EPB41L2: variants seen among roughly 807,000 people sequenced by gnomAD.
The protein encoded by EPB41L2 is band 4.1-like protein 2.
EPB41L2 carries 43 observed loss-of-function variants against 113.0 expected under a neutral mutation model. That is an observed-to-expected ratio of 0.38 (90% confidence interval 0.30 to 0.49). The LOEUF (loss-of-function observed/expected upper bound fraction) is 0.49, where lower values mean the gene tolerates loss of function less well. Among genes scored for constraint, EPB41L2 ranks in the 20% least tolerant of loss-of-function variants. The probability of loss-of-function intolerance (pLI) is 0.95; values close to 1 mark genes in which losing one functional copy is unlikely to be tolerated. For missense variants in EPB41L2, 1,147 were observed against 1,223.4 expected (o/e 0.94, Z 0.93); for synonymous variants, 442 against 436.7 (o/e 1.01, Z -0.15).
At chr6:131,035,954 G>A (rs1256628870) in intron 1 of EPB41L2, among the ~76,000 whole-genome samples, 1 of 152,204 alleles carries the variant, frequency 6.6e-6, no homozygotes, top group Admixed American at 6.5e-5. Flanking sequence ...GAAGGTTTGA[G>A]AGAAACGGTC....
rs3831232 is a variant in EPB41L2 at position 130,880,298 on chromosome 6, C to CT, written c.1834-93dup. 8.3e-3 allele frequency: 6,598 copies of CT among 797,418 alleles called. 124 individuals are homozygous for CT. Among genetic ancestry groups the CT allele is most frequent in the South Asian group, 0.039 (2,425 of 62,872 alleles). The allele number at this position is 797,418 out of a possible 1,614,324, so 49.4% of individuals were successfully genotyped here. ...CCAAAATGACCCAGAGTTCGACAGT[C>CT]TAAGACATTAAAATAAAAGAGGAAT... On this transcript the variant is annotated intron_variant, in intron 12 of 19. Coordinates refer to ENST00000337057, the MANE Select transcript of EPB41L2 (RefSeq NM_001431.4).
At chr6:130,990,895 T>C (rs375474546) in intron 1 of EPB41L2, among the ~76,000 whole-genome samples, 156 of 151,748 alleles carry the variant, frequency 1.0e-3, no homozygotes, top group Middle Eastern at 6.8e-3. Flanking sequence ...GGCATGATCT[T>C]GGCTCACTGC....
At chr6:130,976,553 T>C (rs1239138647) in intron 1 of EPB41L2, among the ~76,000 whole-genome samples, 4 of 152,128 alleles carry the variant, frequency 2.6e-5, no homozygotes. Flanking sequence ...ACAAGGGGTA[T>C]AGAGAGAAAG....
At chr6:130,884,667 A>G (rs913510341) in intron 12 of EPB41L2, among the ~76,000 whole-genome samples, 1 of 152,250 alleles carries the variant, frequency 6.6e-6, no homozygotes, top group Non-Finnish European at 1.5e-5. Context: ...TGAGAATTTC[A>G]TTAATTATAG....
At position 130,864,167 on chromosome 6, in the gene EPB41L2, G is replaced by A. The variant is rs577881078; in HGVS notation, c.2830-449C>T. 4.6e-5 allele frequency among the ~76,000 whole-genome samples: 7 copies of A among 152,266 alleles called. No individual in the cohort carries two copies. The South Asian group carries it at 8.3e-4, about 18-fold the overall frequency. ...ATTACAAGAAATTATAAGAATTTAGGTATCTGTTTTTGGTTTGAGAAACTG... is the reference window on the plus strand; with the variant it reads ...ATTACAAGAAATTATAAGAATTTAGATATCTGTTTTTGGTTTGAGAAACTG... On this transcript the variant is annotated intron_variant, in intron 17 of 19. Transcript: ENST00000337057.
intron 4 of EPB41L2, among the ~76,000 whole-genome samples, chr6:130,917,543 C>A (rs1484051075): frequency 1.3e-5 from 2 of 152,074 alleles, no homozygotes; most frequent in African/African-American, 4.8e-5. Flanking sequence ...CCTAAGTGCA[C>A]CCCTGATGTT....
chr6:130,913,331 A>G (rs1170392576), intron 4 of EPB41L2, among the ~76,000 whole-genome samples: 1 of 152,178 alleles, frequency 6.6e-6, no homozygotes, highest in Non-Finnish European at 1.5e-5. Context: ...GGCGGGGTTT[A>G]CCTGATGTGA....
intron 1 of EPB41L2, among the ~76,000 whole-genome samples, chr6:131,037,935 C>G (rs770198190): frequency 7.9e-5 from 12 of 152,064 alleles, no homozygotes; most frequent in Non-Finnish European, 1.5e-4. Context: ...TGGAAAAAAT[C>G]TGCAAAAATT....
intron 1 of EPB41L2, among the ~76,000 whole-genome samples, chr6:131,016,440 A>G (rs1339265984): frequency 6.6e-6 from 1 of 151,310 alleles, no homozygotes; most frequent in Non-Finnish European, 1.5e-5. Context: ...TCTTCCTGAA[A>G]TCATCCTGCA....
At chr6:131,024,429 C>A (rs1790365973) in intron 1 of EPB41L2, among the ~76,000 whole-genome samples, 1 of 152,086 alleles carries the variant, frequency 6.6e-6, no homozygotes, top group East Asian at 1.9e-4. Flanking sequence ...AGCCTTCCAG[C>A]TGCAAGAGGT....
At chr6:130,870,520 G>A (rs1785292459) in intron 14 of EPB41L2, 27 of 876,192 alleles carry the variant, frequency 3.1e-5, no homozygotes, top group Non-Finnish European at 4.4e-5. Context: ...GTCACATAGA[G>A]GACAATCAAG....
intron 5 of EPB41L2, among the ~76,000 whole-genome samples, chr6:130,907,216 A>C (rs1339514721): frequency 6.6e-6 from 1 of 152,238 alleles, no homozygotes; most frequent in Non-Finnish European, 1.5e-5. Context: ...TTTCAGAGAA[A>C]GTGTAAGAAC....
intron 4 of EPB41L2, among the ~76,000 whole-genome samples, chr6:130,913,357 A>T (rs148267385): frequency 0.025 from 3,748 of 152,218 alleles, 43 homozygotes; most frequent in Middle Eastern, 0.048. Flanking sequence ...CAGCAGCATG[A>T]CTTCCTCACC....
chr6:130,873,073 C>T (rs1342343870), intron 14 of EPB41L2, among the ~76,000 whole-genome samples: 2 of 152,136 alleles, frequency 1.3e-5, no homozygotes, highest in Admixed American at 6.5e-5. Flanking sequence ...CCTACAATCT[C>T]CCTCCTCAAT....
At chr6:131,009,868 C>G (rs1041181060) in intron 1 of EPB41L2, among the ~76,000 whole-genome samples, 4 of 152,180 alleles carry the variant, frequency 2.6e-5, no homozygotes, top group African/African-American at 7.2e-5. Context: ...CCATATGCAA[C>G]TATGTTCTGC....
chr6:130,957,697 C>T (rs890638747), intron 1 of EPB41L2, among the ~76,000 whole-genome samples: 1 of 150,742 alleles, frequency 6.6e-6, no homozygotes, highest in South Asian at 2.1e-4. Flanking sequence ...AAAAAAAGTA[C>T]ACTTGTTTTA....
At chr6:130,970,298 A>C (rs1439861925) in intron 1 of EPB41L2, 1 of 152,198 alleles carries the variant, frequency 6.6e-6, no homozygotes, top group African/African-American at 2.4e-5. Flanking sequence ...TTTTAAGCAC[A>C]TCAAGCCCGC....
At chr6:131,048,265 C>T (rs1323896170) in intron 1 of EPB41L2, among the ~76,000 whole-genome samples, 2 of 151,272 alleles carry the variant, frequency 1.3e-5, no homozygotes, top group Non-Finnish European at 2.9e-5. Context: ...ACCTTGAGAA[C>T]ATACTAGAAT....
chr6:130,933,948 G>A (rs896054601), intron 3 of EPB41L2, among the ~76,000 whole-genome samples: 13 of 152,064 alleles, frequency 8.5e-5, no homozygotes, highest in South Asian at 6.2e-4. Flanking sequence ...GTGTGCTGAG[G>A]AGACGATGAT....
Sources: gnomAD v4.1 joint callset for allele counts (sites outside exome capture counted in the v4.1 genomes callset) on GRCh38, gnomAD v4.1.1 for gene constraint, MANE v1.5 for transcripts, NCBI Gene and HGNC (gene_info 2026-07-23, HGNC 2026-07-21) for gene names.